The following SLC30A8 variants were observed in gnomAD, a reference collection of about 807,000 sequenced individuals.
SLC30A8 encodes solute carrier family 30 member 8, also known as proton-coupled zinc antiporter SLC30A8.
A neutral mutation model predicts 36.9 loss-of-function variants in SLC30A8; 27 were observed. The ratio of observed to expected loss-of-function variants is 0.73; its 90% confidence interval spans 0.54 to 1.01. The LOEUF is 1.01. Ranked by LOEUF, SLC30A8 falls within the 50% of genes least tolerant of loss-of-function variation. The probability of loss-of-function intolerance (pLI) is 0.00; values close to 1 mark genes in which losing one functional copy is unlikely to be tolerated. For synonymous variants in SLC30A8, 164 were observed against 172.4 expected, an observed-to-expected ratio of 0.95 and a Z score of 0.38; for missense variants, 439 against 452.0, an observed-to-expected ratio of 0.97 and a Z score of 0.26.
At chr8:116,965,971 C>T (rs560334817) in intron 1 of SLC30A8, among the ~76,000 whole-genome samples, 2 of 151,120 alleles carry the variant, frequency 1.3e-5, no homozygotes, top group Admixed American at 1.3e-4. Flanking sequence ...GCAACCTCTG[C>T]CTCCTGGGTT....
At chr8:117,009,918 A>AT (rs1054835538) in intron 1 of SLC30A8, among the ~76,000 whole-genome samples, 42 of 152,230 alleles carry the variant, frequency 2.8e-4, no homozygotes, top group African/African-American at 9.1e-4. Context: ...ATTTTGTAAT[A>AT]TTTTTTCGGA....
intron 6 of SLC30A8, among the ~76,000 whole-genome samples, chr8:117,169,228 C>T (rs1586619624): frequency 6.6e-6 from 1 of 152,160 alleles, no homozygotes; most frequent in East Asian, 1.9e-4. Context: ...AAAAACTCAG[C>T]TCATGCTGTA....
chr8:117,056,821 G>A (rs1817886576), intron 2 of SLC30A8, among the ~76,000 whole-genome samples: 1 of 152,164 alleles, frequency 6.6e-6, no homozygotes, highest in African/African-American at 2.4e-5. Flanking sequence ...TGGAGAAATA[G>A]GTGGCCACTC....
rs183518803 is a variant in SLC30A8 at position 117,097,829 on chromosome 8, A to C, written c.-225-37451A>C. Among the ~76,000 whole-genome samples, 27 of 52,028 alleles carry C rather than the reference A, an allele frequency of 5.2e-4. No homozygotes were observed. In the East Asian group the frequency reaches 5.7e-3, roughly 11 times the overall value. The allele number at this position is 52,028 out of a possible 152,430, so 34.1% of individuals were successfully genotyped here. A position where few individuals can be genotyped will look rare whatever the true frequency, so the allele number is the denominator to read the frequency against. On this transcript the variant is annotated intron_variant, in intron 2 of 10. Coordinates refer to the SLC30A8 transcript ENST00000427715. Reference sequence around the variant, plus strand: ...AATTTTAAATAAATATATATATTATATATAATATATAATTTTAAATAAATA... The same window carrying C: ...AATTTTAAATAAATATATATATTATCTATAATATATAATTTTAAATAAATA...
intron 2 of SLC30A8, among the ~76,000 whole-genome samples, chr8:117,151,447 C>A (rs1822185806): frequency 2.6e-5 from 4 of 152,236 alleles, no homozygotes. Context: ...CTACCTCTTG[C>A]AAGCAGTTTG....
At chr8:117,027,955 G>T (rs1816923292) in intron 1 of SLC30A8, among the ~76,000 whole-genome samples, 1 of 152,090 alleles carries the variant, frequency 6.6e-6, no homozygotes, top group African/African-American at 2.4e-5. Context: ...TATTTCATAG[G>T]ATTATCCTGA....
At chr8:117,094,876 A>G (rs937417752) in intron 2 of SLC30A8, among the ~76,000 whole-genome samples, 3 of 152,162 alleles carry the variant, frequency 2.0e-5, no homozygotes, top group African/African-American at 7.2e-5. Flanking sequence ...TTGGCACCCA[A>G]AGTCCAGAGG....
rs1165386793 is a variant in SLC30A8, at chr8:117,176,596, T to C, written c.*3915T>C. On this transcript the variant is annotated 3_prime_UTR_variant, in exon 8 of 8. Transcript: ENST00000456015. Reference sequence around the variant, plus strand: ...AATAAAAAGGTGACCATCTGCGGTTTAGTTTTTTAACTTTCTGATTTCACA... The same window carrying C: ...AATAAAAAGGTGACCATCTGCGGTTCAGTTTTTTAACTTTCTGATTTCACA... 2 of 152,548 alleles carry C rather than the reference T, an allele frequency of 1.3e-5. No homozygotes were observed. The highest frequency in any genetic ancestry group is 2.4e-5 in the African/African-American group (1 of 41,446). The allele number at this position is 152,548 out of a possible 1,614,324, so 9.4% of individuals were successfully genotyped here.
In SLC30A8 at chr8:116,971,124, C is replaced by A. The variant is rs187202565; in HGVS notation, c.-266+20005C>A. On this transcript the variant is annotated intron_variant, in intron 1 of 10. Coordinates refer to the SLC30A8 transcript ENST00000427715. The stretch of plus-strand genomic sequence containing the variant: ...AACAACAACAACAACAACACACACA[C>A]AAAAAAGAAAAGAAAAGAAAATAGT... Among the ~76,000 whole-genome samples the A allele has an allele frequency of 7.4e-3, 1,124 of 151,862 alleles. 10 individuals are homozygous for A. Among genetic ancestry groups the A allele is most frequent in the Admixed American group, 0.012 (179 of 15,250 alleles).
At chr8:117,157,670 T>G (rs774963524) in intron 3 of SLC30A8, 21 bp from the exon 4 acceptor site, 1 of 1,613,684 alleles carries the variant, frequency 6.2e-7, no homozygotes, top group Non-Finnish European at 8.5e-7. Flanking sequence ...TGTGGGTTTC[T>G]GTGTGTGTTT....
upstream of SLC30A8, chr8:116,950,817 G>A (rs7834616): frequency 2.8e-4 from 43 of 152,066 alleles, no homozygotes; most frequent in African/African-American, 9.9e-4. Flanking sequence ...TGGACTTTAC[G>A]GTTTACAGTT....
chr8:117,171,390 G>A (rs973993408), intron 7 of SLC30A8, among the ~76,000 whole-genome samples: 1 of 152,174 alleles, frequency 6.6e-6, no homozygotes, highest in African/African-American at 2.4e-5. Context: ...AGAGGGCTGA[G>A]GACAGACAGA....
At chr8:117,004,178 C>G (rs1816099761) in intron 1 of SLC30A8, among the ~76,000 whole-genome samples, 1 of 152,182 alleles carries the variant, frequency 6.6e-6, no homozygotes, top group Admixed American at 6.5e-5. Flanking sequence ...TACCCACAGT[C>G]ACCTTTTAAT....
At chr8:116,970,619 T>C (rs971228833) in intron 1 of SLC30A8, among the ~76,000 whole-genome samples, 3 of 152,136 alleles carry the variant, frequency 2.0e-5, no homozygotes, top group African/African-American at 7.2e-5. Context: ...GCTATAGGGA[T>C]TTTTTCAGCT....
At chr8:117,038,111 A>C (rs376024384) in intron 1 of SLC30A8, among the ~76,000 whole-genome samples, 1 of 152,276 alleles carries the variant, frequency 6.6e-6, no homozygotes, top group Non-Finnish European at 1.5e-5. Context: ...AAGCTTTTCT[A>C]TTTCTCTAAA....
Position 117,095,767 on chromosome 8 carries a change from C to A in SLC30A8, c.-225-39513C>A, listed in dbSNP as rs367630452. On this transcript the variant is annotated intron_variant, in intron 2 of 10. Coordinates refer to the SLC30A8 transcript ENST00000427715. ...AGGTGGGAACTGGATGTGAATGATG[C>A]AAAACAGATAGTTTCAGCCTTTGTG... 2.6e-5 allele frequency among the ~76,000 whole-genome samples: 4 copies of A among 152,264 alleles called. No individual in the cohort carries two copies. In the East Asian group the frequency reaches 5.8e-4, roughly 22 times the overall value.
chr8:116,987,388 A>T (rs909080218), intron 1 of SLC30A8, among the ~76,000 whole-genome samples: 1 of 152,000 alleles, frequency 6.6e-6, no homozygotes, highest in Non-Finnish European at 1.5e-5. Context: ...ACATGTATAC[A>T]TATGTAACAG....
rs539522433 is a variant in SLC30A8 at position 117,009,378 on chromosome 8, G to T, written c.-265-29841G>T. ...AGGGAAGAAAAAAAGACTATTTTCT[G>T]AAAATTCTAAAAGGACCAAATGAAC... On this transcript the variant is annotated intron_variant, in intron 1 of 10. Transcript: ENST00000427715. Among the ~76,000 whole-genome samples, 6 of 152,272 alleles carry T rather than the reference G, an allele frequency of 3.9e-5. No individual in the cohort carries two copies. The East Asian group carries it at 1.2e-3, about 29-fold the overall frequency.
At chr8:117,024,074 C>T (rs114079293) in intron 1 of SLC30A8, among the ~76,000 whole-genome samples, 1,546 of 152,258 alleles carry the variant, frequency 0.01, 23 homozygotes, top group African/African-American at 0.034. Context: ...CAACCTTACT[C>T]ATGGTTGGAT....
Sources: gnomAD v4.1 joint callset for allele counts (sites outside exome capture counted in the v4.1 genomes callset) on GRCh38, gnomAD v4.1.1 for gene constraint, MANE v1.5 for transcripts, NCBI Gene and HGNC (gene_info 2026-07-23, HGNC 2026-07-21) for gene names.